The following PTPN23 variants were observed in gnomAD, a reference collection of about 807,000 sequenced individuals.
PTPN23 encodes tyrosine-protein phosphatase non-receptor type 23.
PTPN23 carries 72 observed loss-of-function variants against 156.3 expected under a neutral mutation model. That is an observed-to-expected ratio of 0.46 (90% CI 0.38 to 0.56). PTPN23 has a LOEUF of 0.56. Among genes scored for constraint, PTPN23 ranks in the 20% least tolerant of loss-of-function variants. The pLI, the probability that PTPN23 is intolerant of heterozygous loss-of-function variation, is 0.00. For missense variants in PTPN23, 1,974 were observed against 2,171.5 expected (o/e 0.91, Z 1.81); for synonymous variants, 957 against 899.6 (o/e 1.06, Z -1.14).
intron 1 of PTPN23, among the ~76,000 whole-genome samples, chr3:47,385,260 C>G (rs1305440816): frequency 6.6e-6 from 1 of 152,208 alleles, no homozygotes; most frequent in Non-Finnish European, 1.5e-5. Flanking sequence ...CCTTAACCAG[C>G]TGTACTTGAG....
chr3:47,410,837 C>A lies in PTPN23; in HGVS notation c.3039C>A (p.Pro1013=), dbSNP rs750337667. The A allele has an allele frequency of 1.9e-6, 3 of 1,604,174 alleles. No individual in the cohort carries two copies. Among genetic ancestry groups the A allele is most frequent in the South Asian group, 1.1e-5 (1 of 90,842 alleles). The change falls in exon 20 of 25, where the codon CCC becomes CCA. Residue 1013 remains proline (P), a synonymous_variant. Coordinates refer to ENST00000265562, the MANE Select transcript of PTPN23 (RefSeq NM_015466.4). ...QPGVLGQPPP[P]LHTQLYPGPA... is the part of the protein sequence containing the mutation. ...GGGTCCTGGGGCAGCCGCCACCCCC[C>A]CTACACACCCAGCTCTACCCAGGTC...
rs1487667388 is a variant in PTPN23, at chr3:47,409,147, C to T, written c.1643-16C>T. 2 of 1,610,436 alleles carry T rather than the reference C, an allele frequency of 1.2e-6. No homozygotes were observed. Among genetic ancestry groups the T allele is most frequent in the Non-Finnish European group, 1.7e-6 (2 of 1,177,486 alleles). On this transcript the variant is annotated splice_polypyrimidine_tract_variant and intron_variant, in intron 16 of 24. Coordinates refer to ENST00000265562, the MANE Select transcript of PTPN23 (RefSeq NM_015466.4). ...CTGGGGGTTTCTCTGGCCTCACTGACCACTGCTGCCCACAGAGGACAAGGC... is the reference window on the plus strand; with the variant it reads ...CTGGGGGTTTCTCTGGCCTCACTGATCACTGCTGCCCACAGAGGACAAGGC...
intron 15 of PTPN23, 56 bp downstream of exon 15, chr3:47,408,546 GC>G: frequency 6.4e-7 from 1 of 1,564,062 alleles, no homozygotes; most frequent in Non-Finnish European, 8.7e-7. Context: ...ATCTGCTGTG[GC>G]CTCCTCCGTG....
chr3:47,401,603 C>G (rs139778607), intron 2 of PTPN23, among the ~76,000 whole-genome samples: 49 of 152,204 alleles, frequency 3.2e-4, no homozygotes, highest in South Asian at 6.2e-4. Context: ...GCTGTTATTG[C>G]TTAGGATGTG....
chr3:47,386,237 C>T (rs1704650079), intron 1 of PTPN23, among the ~76,000 whole-genome samples: 1 of 152,020 alleles, frequency 6.6e-6, no homozygotes, highest in Admixed American at 6.6e-5. Context: ...GCAATCTTGG[C>T]TCACTGCAAC....
Position 47,410,265 on chromosome 3 carries a change from C to G in PTPN23, c.2467C>G (p.Pro823Ala). 2.5e-6 allele frequency: 4 copies of G among 1,609,336 alleles called. No homozygotes were observed. Among genetic ancestry groups the G allele is most frequent in the Non-Finnish European group, 2.5e-6 (3 of 1,177,778 alleles). Residue 823 changes from proline (P) to alanine (A), a missense_variant, in exon 20 of 25, where the codon CCA becomes GCA. Coordinates refer to ENST00000265562, the MANE Select transcript of PTPN23 (RefSeq NM_015466.4). The stretch of plus-strand genomic sequence containing the variant: ...CGTAGCACCTGGGCCTGCCCTCTAC[C>G]CAGCCCCTGCCTACACACCGGAGCT... Reference protein sequence around the residue: ...MPVAPGPALYPAPAYTPELGL... With the variant: ...MPVAPGPALYAAPAYTPELGL...
At chr3:47,393,277 T>C (rs1809487) in intron 1 of PTPN23, among the ~76,000 whole-genome samples, 149,422 of 152,216 alleles carry the variant, frequency 0.98, 73,414 homozygotes, top group East Asian at 1. Context: ...CTCAGCCTCC[T>C]GAGAAGTTGG....
Position 47,412,620 on chromosome 3 carries a change from G to T in PTPN23, c.4424G>T (p.Ser1475Ile), listed in dbSNP as rs768190031. 2 of 1,613,148 alleles carry T rather than the reference G, an allele frequency of 1.2e-6. No homozygotes were observed. Among genetic ancestry groups the T allele is most frequent in the South Asian group, 2.2e-5 (2 of 91,038 alleles). The change falls in exon 24 of 25, where the codon AGC becomes ATC. Residue 1475 changes from serine (S) to isoleucine (I), a missense_variant. By Grantham distance (142) the Ser-to-Ile change is moderately radical. This residue lies in a region of PTPN23 where 484 missense variants were observed against 516.0 expected (regional missense o/e 0.94). Coordinates refer to ENST00000265562, the MANE Select transcript of PTPN23 (RefSeq NM_015466.4). ...PCKPLASASISQKNHLPQDSQ... is the reference protein window; with the variant it reads ...PCKPLASASIIQKNHLPQDSQ... ...AAACCCTTGGCCAGTGCAAGCATCA[G>T]CCAGAAGGTGAGGAAGGTTCCGTGG...
At position 47,411,557 on chromosome 3, in the gene PTPN23, C is replaced by T; in HGVS notation, c.3759C>T (p.Ser1253=). 1.2e-6 allele frequency: 2 copies of T among 1,612,756 alleles called. No individual in the cohort carries two copies. The highest frequency in any genetic ancestry group is 1.7e-6 in the Non-Finnish European group (2 of 1,179,996). ...YINASCVEGL[S]PYCPPLVATQ... ...ATGCCAGCTGCGTGGAGGGGCTCTCCCCATACTGCCCCCCGCTAGTGGCAA... is the reference window on the plus strand; with the variant it reads ...ATGCCAGCTGCGTGGAGGGGCTCTCTCCATACTGCCCCCCGCTAGTGGCAA... The change falls in exon 20 of 25, where the codon TCC becomes TCT. Residue 1253 remains serine (S), a synonymous_variant. Transcript: ENST00000265562. This position sits in a 1 kb window ranked among gnomAD's most constrained non-coding sequence, Gnocchi z 6.3.
intron 1 of PTPN23, among the ~76,000 whole-genome samples, chr3:47,381,386 A>G (rs1012505342): frequency 6.6e-6 from 1 of 152,158 alleles, no homozygotes; most frequent in African/African-American, 2.4e-5. Flanking sequence ...GCCCCGTGCT[A>G]GCACCTGCAT....
chr3:47,402,224 A>C (rs1288301222), intron 2 of PTPN23, among the ~76,000 whole-genome samples: 1 of 152,222 alleles, frequency 6.6e-6, no homozygotes, highest in Non-Finnish European at 1.5e-5. Flanking sequence ...TACATAAACA[A>C]TATGAAGAAT....
chr3:47,406,813 T>C lies in PTPN23; in HGVS notation c.807+63T>C. The C allele has an allele frequency of 6.3e-7, 1 of 1,591,148 alleles. No individual in the cohort carries two copies. Among genetic ancestry groups the C allele is most frequent in the Non-Finnish European group, 8.6e-7 (1 of 1,165,686 alleles). On this transcript the variant is annotated intron_variant, in intron 9 of 24. Transcript: ENST00000265562. The surrounding 1 kb of genome is among the most constrained non-coding windows in gnomAD (Gnocchi z 5.8). The stretch of plus-strand genomic sequence containing the variant: ...AGCCTTCAGTGAGATGCCGGTGTGC[T>C]CCCGCTCCTTACACACCAGGGGGTG...
chr3:47,406,036 A>G lies in PTPN23; in HGVS notation c.536A>G (p.Asn179Ser), dbSNP rs373527327. The G allele has an allele frequency of 4.3e-6, 7 of 1,612,598 alleles. No individual in the cohort carries two copies. The highest frequency in any genetic ancestry group is 5.9e-6 in the Non-Finnish European group (7 of 1,179,632). ...MSRQILTLNV[N>S]LMLGQAQECL... ...CGCCAGATCCTTACGCTCAACGTCA[A>G]CCTCATGCTGGTGAGGAGGCGCCCT... The change falls in exon 6 of 25, where the codon AAC becomes AGC. Residue 179 changes from asparagine to serine, a missense_variant. By Grantham distance (46) the Asn-to-Ser change is conservative. Coordinates refer to ENST00000265562, the MANE Select transcript of PTPN23 (RefSeq NM_015466.4). The surrounding 1 kb of genome is among the most constrained non-coding windows in gnomAD (Gnocchi z 5.8).
chr3:47,410,595 C>T lies in PTPN23; in HGVS notation c.2797C>T (p.Pro933Ser). The change falls in exon 20 of 25, where the codon CCG becomes TCG. Residue 933 changes from proline to serine, a missense_variant. Physicochemically the swap from Pro to Ser is moderately conservative, Grantham distance 74 (BLOSUM62 -1). Coordinates refer to ENST00000265562, the MANE Select transcript of PTPN23 (RefSeq NM_015466.4). Reference protein sequence around the residue: ...TYPAGAKQPIPAQHHFSSGIP... With the variant: ...TYPAGAKQPISAQHHFSSGIP... ...CCCTGCAGGGGCTAAGCAACCCATCCCGGCACAGCACCACTTCTCTTCTGG... is the reference window on the plus strand; with the variant it reads ...CCCTGCAGGGGCTAAGCAACCCATCTCGGCACAGCACCACTTCTCTTCTGG... 1 of 1,612,368 alleles carries T rather than the reference C, an allele frequency of 6.2e-7. No individual in the cohort carries two copies. Among genetic ancestry groups the T allele is most frequent in the Non-Finnish European group, 8.5e-7 (1 of 1,179,504 alleles).
chr3:47,384,262 A>G (rs1405574907), intron 1 of PTPN23, among the ~76,000 whole-genome samples: 5 of 152,024 alleles, frequency 3.3e-5, no homozygotes, highest in Admixed American at 2.6e-4. Flanking sequence ...AGGTCAGGAG[A>G]TCAAGACCAT....
Position 47,410,249 on chromosome 3 carries a change from TG to T in PTPN23, c.2454del (p.Pro819LeufsTer26). ...GGCCCCATGCAATGCCCGTAGCACCTGGGCCTGCCCTCTACCCAGCCCCTGC... is the reference window on the plus strand; with the variant it reads ...GGCCCCATGCAATGCCCGTAGCACCTGGCCTGCCCTCTACCCAGCCCCTGC... ...PGPHAMPVAP[G>X]PALYPAPAYT... On this transcript the variant is annotated frameshift_variant, in exon 20 of 25. Coordinates refer to ENST00000265562, the MANE Select transcript of PTPN23 (RefSeq NM_015466.4). LOFTEE classifies it high-confidence loss of function. 6.2e-7 allele frequency: 1 copy of T among 1,610,790 alleles called. No individual in the cohort carries two copies. The highest frequency in any genetic ancestry group is 8.5e-7 in the Non-Finnish European group (1 of 1,178,650).
At chr3:47,387,919 C>T (rs1704688365) in intron 1 of PTPN23, among the ~76,000 whole-genome samples, 1 of 152,204 alleles carries the variant, frequency 6.6e-6, no homozygotes, top group South Asian at 2.1e-4. Flanking sequence ...CTCTAATCTG[C>T]AAAATCATGG....
chr3:47,400,455 CAG>C (rs1309737630), intron 2 of PTPN23, among the ~76,000 whole-genome samples: 1 of 152,236 alleles, frequency 6.6e-6, no homozygotes, highest in East Asian at 1.9e-4. Flanking sequence ...GCTAGAACCA[CAG>C]GGGGCTGCAT....
At chr3:47,396,056 C>A in intron 1 of PTPN23, 87 bp from the exon 2 acceptor site, 1 of 1,038,778 alleles carries the variant, frequency 9.6e-7, no homozygotes, top group South Asian at 1.4e-5. Flanking sequence ...GCACTTAATC[C>A]TGAGTCCTGG....
Sources: gnomAD v4.1 joint callset for allele counts (sites outside exome capture counted in the v4.1 genomes callset) on GRCh38, gnomAD v4.1.1 for gene constraint, gnomAD v4.1.1 regional missense constraint, Gnocchi (gnomAD v3.1) non-coding constraint, MANE v1.5 for transcripts, NCBI Gene and HGNC (gene_info 2026-07-23, HGNC 2026-07-21) for gene names.